MIER1: variants seen among roughly 807,000 people sequenced by gnomAD.
The protein encoded by MIER1 is MIER1 transcriptional regulator, also known as mesoderm induction early response protein 1.
In MIER1, 40 loss-of-function variants were observed where a neutral mutation model predicts 75.7. The ratio of observed to expected loss-of-function variants is 0.53; its 90% CI spans 0.41 to 0.69. MIER1 has a LOEUF of 0.69. Among genes scored for constraint, MIER1 ranks in the 30% least tolerant of loss-of-function variants. MIER1 has a pLI of 0.00. For missense variants in MIER1, 574 were observed against 680.2 expected (o/e 0.84, Z 1.74); for synonymous variants, 213 against 223.4 (o/e 0.95, Z 0.42).
Position 66,930,411 on chromosome 1 carries a change from G to C in MIER1, c.168+4169G>C, listed in dbSNP as rs772888473. On this transcript the variant is annotated intron_variant, in intron 2 of 13. Coordinates refer to ENST00000401041, the MANE Select transcript of MIER1 (RefSeq NM_001077700.3). ...GCAAATATGGCGGAGGTAAGGGAGC[G>C]AGCTCCCCCTCCCTGTCCCGGAGCC... 1.9e-6 allele frequency: 3 copies of C among 1,606,420 alleles called. No individual in the cohort carries two copies. The East Asian group carries it at 6.8e-5, about 36-fold the overall frequency.
chr1:66,984,010 C>T (rs1481907269), intron 13 of MIER1, among the ~76,000 whole-genome samples: 3 of 152,256 alleles, frequency 2.0e-5, no homozygotes, highest in African/African-American at 7.2e-5. Flanking sequence ...AGGCGTGAGC[C>T]ACTGCACCCA....
At chr1:66,971,093 C>G (rs2101876261) in intron 9 of MIER1, 134 bp downstream of exon 9, 1 of 770,152 alleles carries the variant, frequency 1.3e-6, no homozygotes, top group Non-Finnish European at 1.9e-6. Flanking sequence ...GTTATAATCC[C>G]TGTAAGATAT....
chr1:66,964,869 A>G (rs1662061254), intron 8 of MIER1, among the ~76,000 whole-genome samples: 3 of 152,072 alleles, frequency 2.0e-5, no homozygotes, highest in Admixed American at 6.5e-5. Flanking sequence ...AGGCCTTTGG[A>G]GTTGTATTAA....
intron 2 of MIER1, among the ~76,000 whole-genome samples, chr1:66,929,488 A>G (rs1380330257): frequency 1.3e-5 from 2 of 152,252 alleles, no homozygotes; most frequent in African/African-American, 2.4e-5. Flanking sequence ...ATCACGGCCA[A>G]TTGGCAGCTG....
intron 12 of MIER1, among the ~76,000 whole-genome samples, chr1:66,980,130 C>G (rs188030211): frequency 1.2e-4 from 18 of 152,340 alleles, no homozygotes; most frequent in Admixed American, 1.1e-3. Flanking sequence ...TCCAACAATT[C>G]CTCATCATGT....
intron 2 of MIER1, chr1:66,930,194 A>C (rs1652775880): frequency 1.5e-6 from 2 of 1,363,706 alleles, no homozygotes; most frequent in South Asian, 1.7e-5. Context: ...AGTCCAGCCC[A>C]GCCGGGGCGC....
chr1:66,978,413 A>G (rs903018039), intron 12 of MIER1, among the ~76,000 whole-genome samples: 21 of 152,158 alleles, frequency 1.4e-4, no homozygotes, highest in African/African-American at 4.6e-4. Flanking sequence ...TGGAGTGTGT[A>G]CATCATCCCC....
At chr1:66,944,414 T>G (rs569176501) in intron 3 of MIER1, among the ~76,000 whole-genome samples, 106 of 150,652 alleles carry the variant, frequency 7.0e-4, no homozygotes, top group African/African-American at 2.3e-3. Context: ...ATATTTTACA[T>G]AGTCTGTAAA....
At chr1:66,971,172 C>T (rs975127746) in intron 9 of MIER1, among the ~76,000 whole-genome samples, 10 of 152,058 alleles carry the variant, frequency 6.6e-5, no homozygotes, top group African/African-American at 2.4e-4. Context: ...TTTATTTTGC[C>T]TGTATATACT....
At chr1:66,962,934 A>G (rs773615233) in intron 7 of MIER1, among the ~76,000 whole-genome samples, 154 bp from the exon 8 acceptor site, 2 of 152,150 alleles carry the variant, frequency 1.3e-5, no homozygotes, top group Non-Finnish European at 2.9e-5. Flanking sequence ...TTTGTCATTC[A>G]TCTTCACAAA....
intron 8 of MIER1, among the ~76,000 whole-genome samples, chr1:66,966,040 AT>A (rs1407908994): frequency 4.1e-4 from 60 of 146,660 alleles, no homozygotes; most frequent in African/African-American, 6.2e-4. Context: ...TAAGTACCAC[AT>A]TTTTTTTTTT....
chr1:66,925,551 G>A (rs1250844567), intron 1 of MIER1: 6 of 985,390 alleles, frequency 6.1e-6, no homozygotes, highest in East Asian at 1.1e-4. Flanking sequence ...AGCGCCCTGG[G>A]CCAACTTGCC....
chr1:66,967,030 A>G (rs1662560813), intron 8 of MIER1, among the ~76,000 whole-genome samples: 1 of 152,020 alleles, frequency 6.6e-6, no homozygotes. Context: ...CTATTTGTCT[A>G]TTTTTGCTTT....
chr1:66,956,382 C>T (rs918738125), intron 4 of MIER1, among the ~76,000 whole-genome samples: 1 of 152,142 alleles, frequency 6.6e-6, no homozygotes, highest in Non-Finnish European at 1.5e-5. Flanking sequence ...CCACTGCACT[C>T]CAGCCTGGGT....
Position 66,985,793 on chromosome 1 carries a change from G to A in MIER1, c.*893G>A. The A allele has an allele frequency of 2.3e-6, 2 of 865,948 alleles. No homozygotes were observed. The highest frequency in any genetic ancestry group is 2.8e-6 in the Non-Finnish European group (2 of 725,228). The allele number at this position is 865,948 out of a possible 1,614,324, so 53.6% of individuals were successfully genotyped here. ...CATATTTCTTATCCAGGTGGTTAAA[G>A]CATTCATAAAGGATTATAAAATTTT... On this transcript the variant is annotated 3_prime_UTR_variant, in exon 14 of 14. Transcript: ENST00000401041.
chr1:66,941,879 A>G (rs763798367), intron 3 of MIER1, among the ~76,000 whole-genome samples: 58 of 151,478 alleles, frequency 3.8e-4, no homozygotes, highest in Non-Finnish European at 6.8e-4. Context: ...CTGAGGTGGG[A>G]GAATCCTTTA....
intron 4 of MIER1, among the ~76,000 whole-genome samples, chr1:66,952,619 CTA>C (rs1659225586): frequency 6.6e-6 from 1 of 152,104 alleles, no homozygotes; most frequent in African/African-American, 2.4e-5. Context: ...TTTATTTTCT[CTA>C]TTTCTGCTTT....
At chr1:66,952,996 TC>T (rs1659320007) in intron 4 of MIER1, among the ~76,000 whole-genome samples, 1 of 152,200 alleles carries the variant, frequency 6.6e-6, no homozygotes, top group African/African-American at 2.4e-5. Flanking sequence ...TTTGTAGGTC[TC>T]CCACATTTAC....
chr1:66,959,067 T>C, intron 6 of MIER1, 84 bp downstream of exon 6: 1 of 1,109,644 alleles, frequency 9.0e-7, no homozygotes, highest in East Asian at 2.6e-5. Flanking sequence ...AAACTGGTCT[T>C]TGAATTCATT....
Sources: gnomAD v4.1 joint callset for allele counts (sites outside exome capture counted in the v4.1 genomes callset) on GRCh38, gnomAD v4.1.1 for gene constraint, MANE v1.5 for transcripts, NCBI Gene and HGNC (gene_info 2026-07-23, HGNC 2026-07-21) for gene names.